Variants in ARL5B observed in about 807,000 individuals in gnomAD.
ARL5B encodes the protein ARF like GTPase 5B.
In ARL5B, 10 loss-of-function variants were observed where a neutral mutation model predicts 26.9. The ratio of observed to expected loss-of-function variants is 0.37; its 90% CI spans 0.23 to 0.63. ARL5B has a LOEUF of 0.63. Ranked by LOEUF, ARL5B falls within the 30% of genes least tolerant of loss-of-function variation. ARL5B has a pLI of 0.62. For missense variants in ARL5B, 167 were observed against 213.9 expected (o/e 0.78, Z 1.37); for synonymous variants, 87 against 70.4 (o/e 1.24, Z -1.18).
intron 3 of ARL5B, among the ~76,000 whole-genome samples, chr10:18,671,563 T>C (rs1463812931): frequency 1.3e-5 from 2 of 152,118 alleles, no homozygotes; most frequent in Non-Finnish European, 2.9e-5. Flanking sequence ...TAACATCATT[T>C]CATCTCATTT....
rs774250005 is a variant in ARL5B, at chr10:18,668,668, A to G, written c.246A>G (p.Ser82=). 12 of 1,613,802 alleles carry G rather than the reference A, an allele frequency of 7.4e-6. No homozygotes were observed. The highest frequency in any genetic ancestry group is 1.0e-5 in the Non-Finnish European group (12 of 1,179,978). The change falls in exon 3 of 6, where the codon TCA becomes TCG. Residue 82 remains serine, a synonymous_variant. Transcript: ENST00000377275. The part of the protein sequence containing the change: ...SLRSSWNTYY[S]NTEFIILVVD... The stretch of plus-strand genomic sequence containing the variant: ...GATCATCCTGGAACACATATTACTC[A>G]AATACAGAGGTATGCTAAGATGAAT...
Position 18,675,767 on chromosome 10 carries a change from T to C in ARL5B, c.*551T>C, listed in dbSNP as rs947597104. 2 of 152,208 alleles carry C rather than the reference T, an allele frequency of 1.3e-5. No homozygotes were observed. The highest frequency in any genetic ancestry group is 4.8e-5 in the African/African-American group (2 of 41,446). 9.4% of individuals were successfully genotyped at this position (152,208 alleles called of 1,614,324 possible). ...AGGAAGATTCCACATCATGAGTACT[T>C]GCCTTTTAACTTTCCCCCACATTAC... On this transcript the variant is annotated 3_prime_UTR_variant, in exon 6 of 6. Transcript: ENST00000377275.
chr10:18,665,893 A>C (rs1052489943), intron 1 of ARL5B, among the ~76,000 whole-genome samples: 3 of 152,220 alleles, frequency 2.0e-5, no homozygotes, highest in Admixed American at 2.0e-4. Context: ...TTTAGCAACT[A>C]CTTATTAAAA....
chr10:18,667,005 G>A (rs1181161280), intron 2 of ARL5B, among the ~76,000 whole-genome samples: 1 of 145,028 alleles, frequency 6.9e-6, no homozygotes, highest in African/African-American at 2.5e-5. Context: ...TAATAGCTTT[G>A]GAATTTTTTA....
At chr10:18,664,980 GT>G (rs1439743955) in intron 1 of ARL5B, among the ~76,000 whole-genome samples, 2 of 152,142 alleles carry the variant, frequency 1.3e-5, no homozygotes, top group East Asian at 3.9e-4. Flanking sequence ...CTGCCTTCAA[GT>G]TTTGCTTATC....
intron 4 of ARL5B, 43 bp from the exon 5 acceptor site, chr10:18,673,941 T>C (rs2059899162): frequency 6.5e-7 from 1 of 1,537,890 alleles, no homozygotes; most frequent in African/African-American, 1.4e-5. Flanking sequence ...TAAATTTAAA[T>C]TGTGGTATTT....
At chr10:18,663,989 C>G (rs2059849098) in intron 1 of ARL5B, among the ~76,000 whole-genome samples, 1 of 150,502 alleles carries the variant, frequency 6.6e-6, no homozygotes, top group Non-Finnish European at 1.5e-5. Context: ...GAGTGTTGCT[C>G]TGTCACCAGG....
intron 1 of ARL5B, among the ~76,000 whole-genome samples, chr10:18,662,042 C>G (rs1206622035): frequency 6.6e-6 from 1 of 152,198 alleles, no homozygotes; most frequent in African/African-American, 2.4e-5. Context: ...ACAGATGTAT[C>G]TTAGCCTATA....
intron 1 of ARL5B, among the ~76,000 whole-genome samples, chr10:18,663,770 G>T (rs1041487447): frequency 6.6e-6 from 1 of 151,300 alleles, no homozygotes; most frequent in South Asian, 2.1e-4. Context: ...GGATGGTCTC[G>T]ATCTCCTGAC....
chr10:18,670,730 C>T (rs1257301655), intron 3 of ARL5B, among the ~76,000 whole-genome samples: 1 of 152,174 alleles, frequency 6.6e-6, no homozygotes, highest in Non-Finnish European at 1.5e-5. Context: ...GGGCAGTTAT[C>T]ATTGATGAAT....
intron 2 of ARL5B, among the ~76,000 whole-genome samples, 178 bp from the exon 3 acceptor site, chr10:18,668,352 C>G (rs946278868): frequency 6.6e-6 from 1 of 151,800 alleles, no homozygotes; most frequent in Non-Finnish European, 1.5e-5. Flanking sequence ...ACAAGTCTTT[C>G]TTCTGGAGTT....
chr10:18,664,667 T>G lies in ARL5B; in HGVS notation c.47-1908T>G, dbSNP rs535708840. Reference sequence around the variant, plus strand: ...GTTAGCCAGGATGGTCTTGATCTCCTGACCTCGTGATCCTCCCACCTCGGC... The same window carrying G: ...GTTAGCCAGGATGGTCTTGATCTCCGGACCTCGTGATCCTCCCACCTCGGC... On this transcript the variant is annotated intron_variant, in intron 1 of 5. Coordinates refer to ENST00000377275, the MANE Select transcript of ARL5B (RefSeq NM_178815.5). 2.0e-5 allele frequency among the ~76,000 whole-genome samples: 3 copies of G among 151,694 alleles called. No individual in the cohort carries two copies. In the South Asian group the frequency reaches 6.3e-4, roughly 32 times the overall value.
At chr10:18,672,389 G>A (rs545603899) in intron 3 of ARL5B, among the ~76,000 whole-genome samples, 1 of 152,166 alleles carries the variant, frequency 6.6e-6, no homozygotes, top group African/African-American at 2.4e-5. Context: ...AAACAAGTGG[G>A]GCACAGTTTT....
chr10:18,672,762 C>A, intron 4 of ARL5B, 57 bp downstream of exon 4: 1 of 1,308,012 alleles, frequency 7.6e-7, no homozygotes, highest in South Asian at 1.3e-5. Context: ...TGTACGTTGC[C>A]TTTGCTTTTT....
At chr10:18,662,695 GTTGT>G (rs778984139) in intron 1 of ARL5B, among the ~76,000 whole-genome samples, 12 of 147,252 alleles carry the variant, frequency 8.1e-5, no homozygotes, top group African/African-American at 1.2e-4. Flanking sequence ...TTCTTTTTTT[GTTGT>G]TTGTTTGTTT....
At chr10:18,675,133 G>A (rs1216918745) in intron 5 of ARL5B, 35 bp from the exon 6 acceptor site, 2 of 1,597,144 alleles carry the variant, frequency 1.3e-6, no homozygotes, top group Admixed American at 3.4e-5. Context: ...TAAGTATAAG[G>A]TTTTTAATTA....
At chr10:18,672,133 T>C (rs147522402) in intron 3 of ARL5B, among the ~76,000 whole-genome samples, 2 of 152,334 alleles carry the variant, frequency 1.3e-5, no homozygotes, top group Non-Finnish European at 2.9e-5. Context: ...TTTTATAAAA[T>C]TGTCTTATTT....
intron 1 of ARL5B, among the ~76,000 whole-genome samples, chr10:18,666,323 G>C (rs756163164): frequency 6.6e-6 from 1 of 152,192 alleles, no homozygotes; most frequent in East Asian, 1.9e-4. Context: ...GACCAACTTT[G>C]CTGGTGTTTC....
In ARL5B at chr10:18,666,590, T is replaced by C. The variant is rs749742702; in HGVS notation, c.62T>C (p.Ile21Thr). 1.9e-6 allele frequency: 3 copies of C among 1,609,534 alleles called. No individual in the cohort carries two copies. The highest frequency in any genetic ancestry group is 2.5e-6 in the Non-Finnish European group (3 of 1,178,066). Residue 21 changes from isoleucine (I) to threonine (T), a missense_variant, in exon 2 of 6, where the codon ATA becomes ACA. Transcript: ENST00000377275. ...LFCNQEHKVI[I>T]VGLDNAGKTT... ...CTTTTTGTAGAACACAAAGTAATTATAGTGGGACTGGATAATGCAGGGAAA... is the reference window on the plus strand; with the variant it reads ...CTTTTTGTAGAACACAAAGTAATTACAGTGGGACTGGATAATGCAGGGAAA...
Sources: gnomAD v4.1 joint callset for allele counts (sites outside exome capture counted in the v4.1 genomes callset) on GRCh38, gnomAD v4.1.1 for gene constraint, MANE v1.5 for transcripts, NCBI Gene and HGNC (gene_info 2026-07-23, HGNC 2026-07-21) for gene names.